The following FSIP1 variants were observed in gnomAD, a reference collection of about 807,000 sequenced individuals.
The protein encoded by FSIP1 is fibrous sheath interacting protein 1.
A neutral mutation model predicts 60.9 loss-of-function variants in FSIP1; 65 were observed. That is an observed-to-expected ratio of 1.07 (90% CI 0.87 to 1.31). The LOEUF (loss-of-function observed/expected upper bound fraction) is 1.31, where lower values mean the gene tolerates loss of function less well. FSIP1 is among the 40% of genes most tolerant of loss of function. FSIP1 has a pLI of 0.00. For synonymous variants in FSIP1, 209 were observed against 221.2 expected (o/e 0.94, Z 0.49); for missense variants, 675 against 665.5 (o/e 1.01, Z -0.16).
At chr15:39,701,619 T>C (rs1459557796) in intron 10 of FSIP1, among the ~76,000 whole-genome samples, 3 of 152,250 alleles carry the variant, frequency 2.0e-5, no homozygotes, top group Non-Finnish European at 4.4e-5. Flanking sequence ...CTTAACGTTA[T>C]ATTTTCATTT....
chr15:39,755,921 A>T (rs567693246), intron 5 of FSIP1, among the ~76,000 whole-genome samples: 4 of 152,274 alleles, frequency 2.6e-5, no homozygotes, highest in Non-Finnish European at 5.9e-5. Flanking sequence ...TATTCATTAG[A>T]TAAATGATAG....
At chr15:39,755,305 C>T (rs1391688145) in intron 5 of FSIP1, among the ~76,000 whole-genome samples, 1 of 151,976 alleles carries the variant, frequency 6.6e-6, no homozygotes, top group African/African-American at 2.4e-5. Context: ...GAGTACCTTC[C>T]CTCCATCTAA....
At chr15:39,756,488 C>A (rs1233826953) in intron 5 of FSIP1, among the ~76,000 whole-genome samples, 1 of 152,004 alleles carries the variant, frequency 6.6e-6, no homozygotes, top group Non-Finnish European at 1.5e-5. Flanking sequence ...ACCTCAGCCT[C>A]CTGATGCTTG....
intron 3 of FSIP1, among the ~76,000 whole-genome samples, chr15:39,768,755 C>T (rs1897775859): frequency 6.6e-6 from 1 of 152,218 alleles, no homozygotes; most frequent in Admixed American, 6.5e-5. Flanking sequence ...CAAAACTTAA[C>T]AGGGGTGGTT....
intron 1 of FSIP1, among the ~76,000 whole-genome samples, chr15:39,780,447 C>T (rs551671345): frequency 1.5e-4 from 23 of 152,308 alleles, no homozygotes; most frequent in African/African-American, 4.3e-4. Flanking sequence ...ATGGCCTGAA[C>T]CCGGGAGGCG....
At chr15:39,695,826 C>T (rs1470060384) in intron 10 of FSIP1, among the ~76,000 whole-genome samples, 2 of 152,182 alleles carry the variant, frequency 1.3e-5, no homozygotes, top group East Asian at 1.9e-4. Flanking sequence ...ACATTCAATT[C>T]AAATATTAAA....
intron 2 of FSIP1, among the ~76,000 whole-genome samples, 165 bp downstream of exon 2, chr15:39,776,234 G>T (rs1264038219): frequency 6.6e-6 from 1 of 150,790 alleles, no homozygotes; most frequent in Non-Finnish European, 1.5e-5. Context: ...ATGGAGTAGA[G>T]TTTTTTCATA....
chr15:39,764,358 C>T (rs150861525), intron 4 of FSIP1, among the ~76,000 whole-genome samples: 81 of 152,224 alleles, frequency 5.3e-4, no homozygotes, highest in Admixed American at 2.4e-3. Flanking sequence ...TTTCCAGAAA[C>T]GATTTCTCCA....
intron 4 of FSIP1, among the ~76,000 whole-genome samples, chr15:39,764,835 T>TA (rs1729496295): frequency 6.6e-6 from 1 of 152,208 alleles, no homozygotes; most frequent in Non-Finnish European, 1.5e-5. Flanking sequence ...CACAAAGGTT[T>TA]ACCCAAATAA....
intron 10 of FSIP1, among the ~76,000 whole-genome samples, chr15:39,670,490 T>C (rs1191713063): frequency 2.6e-5 from 4 of 152,258 alleles, no homozygotes; most frequent in Admixed American, 2.6e-4. Flanking sequence ...TTTTTCTTTT[T>C]CTTTTTTTAG....
chr15:39,666,523 T>A lies in FSIP1; in HGVS notation c.1188+46921A>T, dbSNP rs550546713. ...ATTTTTTCATAGTGAAAATAAATAT[T>A]CATATGGAAAGCTTCATAAAGTAAA... On this transcript the variant is annotated intron_variant, in intron 10 of 11. Coordinates refer to ENST00000350221, the MANE Select transcript of FSIP1 (RefSeq NM_152597.5). Among the ~76,000 whole-genome samples the A allele has an allele frequency of 8.5e-5, 13 of 152,290 alleles. No homozygotes were observed. The South Asian group carries it at 2.3e-3, about 27-fold the overall frequency.
At chr15:39,772,742 C>G (rs1037334123) in intron 2 of FSIP1, among the ~76,000 whole-genome samples, 4 of 152,042 alleles carry the variant, frequency 2.6e-5, no homozygotes, top group African/African-American at 9.7e-5. Context: ...AGGCACCCAC[C>G]ACCACACCCA....
At chr15:39,756,704 T>G (rs1897311309) in intron 5 of FSIP1, among the ~76,000 whole-genome samples, 1 of 152,072 alleles carries the variant, frequency 6.6e-6, no homozygotes, top group Non-Finnish European at 1.5e-5. Flanking sequence ...TCCTAAGAAT[T>G]TCTCCCTTTG....
intron 10 of FSIP1, among the ~76,000 whole-genome samples, chr15:39,627,991 C>A (rs1891714203): frequency 6.6e-6 from 1 of 152,246 alleles, no homozygotes; most frequent in Non-Finnish European, 1.5e-5. Context: ...CAACCAGCCT[C>A]TGCAGACTGT....
intron 8 of FSIP1, among the ~76,000 whole-genome samples, chr15:39,732,230 C>T (rs549543327): frequency 1.3e-5 from 2 of 152,322 alleles, no homozygotes; most frequent in East Asian, 3.9e-4. Context: ...ACCGCTCATC[C>T]CCTCCGGCTG....
At chr15:39,696,587 C>T (rs964934009) in intron 10 of FSIP1, among the ~76,000 whole-genome samples, 8 of 152,164 alleles carry the variant, frequency 5.3e-5, no homozygotes, top group Non-Finnish European at 1.0e-4. Flanking sequence ...ACACTCTCAG[C>T]AATTCCACTT....
At chr15:39,695,712 C>A (rs1894787620) in intron 10 of FSIP1, among the ~76,000 whole-genome samples, 1 of 152,176 alleles carries the variant, frequency 6.6e-6, no homozygotes. Flanking sequence ...AGAAAATTTT[C>A]TGAAGGATAA....
chr15:39,638,548 C>T (rs569194543), intron 10 of FSIP1, among the ~76,000 whole-genome samples: 2 of 152,286 alleles, frequency 1.3e-5, no homozygotes, highest in South Asian at 4.1e-4. Flanking sequence ...GGTATGTAGT[C>T]TTCTCTCTTG....
chr15:39,617,310 G>A (rs1891267928), intron 11 of FSIP1, among the ~76,000 whole-genome samples: 1 of 152,118 alleles, frequency 6.6e-6, no homozygotes, highest in Non-Finnish European at 1.5e-5. Context: ...AGGAGAGGAG[G>A]TTTGCATACA....
Sources: gnomAD v4.1 joint callset for allele counts (sites outside exome capture counted in the v4.1 genomes callset) on GRCh38, gnomAD v4.1.1 for gene constraint, MANE v1.5 for transcripts, NCBI Gene and HGNC (gene_info 2026-07-23, HGNC 2026-07-21) for gene names.